The following ADGRL3 variants were observed in gnomAD, a reference collection of about 807,000 sequenced individuals.
ADGRL3 encodes the protein calcium-independent alpha-latrotoxin receptor 3.
ADGRL3 carries 62 observed loss-of-function variants against 153.5 expected under a neutral mutation model. The ratio of observed to expected loss-of-function variants is 0.40; its 90% CI spans 0.33 to 0.50. The LOEUF (loss-of-function observed/expected upper bound fraction) is 0.50. Ranked by LOEUF, ADGRL3 falls within the 20% of genes least tolerant of loss-of-function variation. ADGRL3 has a pLI of 0.47. For synonymous variants in ADGRL3, 710 were observed against 672.5 expected (o/e 1.06, Z -0.86); for missense variants, 1,641 against 1,859.4 (o/e 0.88, Z 2.16).
chr4:61,419,871 T>C (rs1170197307), intron 2 of ADGRL3, among the ~76,000 whole-genome samples: 1 of 152,010 alleles, frequency 6.6e-6, no homozygotes, highest in East Asian at 1.9e-4. Flanking sequence ...GTTGGCTCAC[T>C]GCAGCCTCCA....
At chr4:61,208,958 A>G (rs1200053871) in intron 1 of ADGRL3, among the ~76,000 whole-genome samples, 3 of 152,148 alleles carry the variant, frequency 2.0e-5, no homozygotes, top group East Asian at 1.9e-4. Context: ...GAAGCTATAC[A>G]TTCCGATTAC....
At chr4:61,442,754 C>G (rs969928682) in intron 2 of ADGRL3, among the ~76,000 whole-genome samples, 6 of 152,048 alleles carry the variant, frequency 3.9e-5, no homozygotes, top group African/African-American at 1.4e-4. Flanking sequence ...CTGATAAATA[C>G]TTAGGGTAAT....
chr4:61,319,043 C>T (rs1304079934), intron 1 of ADGRL3, among the ~76,000 whole-genome samples: 1 of 152,112 alleles, frequency 6.6e-6, no homozygotes, highest in African/African-American at 2.4e-5. Flanking sequence ...TACTAATTGG[C>T]TTGTTCAAGA....
At chr4:61,370,559 C>A (rs2096500440) in intron 1 of ADGRL3, among the ~76,000 whole-genome samples, 1 of 152,080 alleles carries the variant, frequency 6.6e-6, no homozygotes, top group Non-Finnish European at 1.5e-5. Context: ...GTTCTTAATC[C>A]TGAGTTCTAG....
At chr4:61,376,125 T>A (rs1043441072) in intron 1 of ADGRL3, among the ~76,000 whole-genome samples, 3 of 152,192 alleles carry the variant, frequency 2.0e-5, no homozygotes, top group African/African-American at 7.2e-5. Flanking sequence ...TTGAACTGTT[T>A]TGTCATAGAA....
chr4:61,275,718 T>C (rs1471471615), intron 1 of ADGRL3, among the ~76,000 whole-genome samples: 1 of 152,190 alleles, frequency 6.6e-6, no homozygotes, highest in East Asian at 1.9e-4. Context: ...ATAACCTGCC[T>C]GGTCCCTGTA....
At chr4:61,219,445 A>G (rs960614911) in intron 1 of ADGRL3, among the ~76,000 whole-genome samples, 3 of 152,198 alleles carry the variant, frequency 2.0e-5, no homozygotes, top group Non-Finnish European at 2.9e-5. Flanking sequence ...TTGAAACTGC[A>G]TTTAATTTAA....
intron 4 of ADGRL3, among the ~76,000 whole-genome samples, chr4:61,568,226 A>G (rs1013685313): frequency 2.0e-5 from 3 of 152,122 alleles, no homozygotes; most frequent in South Asian, 2.1e-4. Flanking sequence ...TCAAATATCT[A>G]TAAACATTTT....
chr4:61,246,355 C>G (rs1054785141), intron 1 of ADGRL3, among the ~76,000 whole-genome samples: 11 of 151,984 alleles, frequency 7.2e-5, no homozygotes, highest in African/African-American at 2.4e-4. Context: ...TAGTTATGAG[C>G]TAGATGGTGC....
chr4:61,643,500 G>C (rs9684375), intron 5 of ADGRL3, among the ~76,000 whole-genome samples: 54,855 of 148,176 alleles, frequency 0.37, 10,721 homozygotes, highest in East Asian at 0.52. Flanking sequence ...TAGCATGAAG[G>C]GTTGTTGAAT....
At chr4:61,373,593 A>G (rs2096567461) in intron 1 of ADGRL3, among the ~76,000 whole-genome samples, 1 of 152,210 alleles carries the variant, frequency 6.6e-6, no homozygotes. Context: ...TAAAATCAGC[A>G]TCAATTAAAT....
chr4:61,390,245 A>G (rs1024956684), intron 2 of ADGRL3, among the ~76,000 whole-genome samples: 3 of 152,306 alleles, frequency 2.0e-5, no homozygotes, highest in East Asian at 3.9e-4. Context: ...TTTTATGGCT[A>G]AACCCTGAGC....
chr4:61,909,779 G>A (rs746675593), intron 12 of ADGRL3, 34 bp downstream of exon 12: 70 of 1,346,294 alleles, frequency 5.2e-5, no homozygotes, highest in South Asian at 1.4e-4. Context: ...GTGTGTGTGT[G>A]TGTGTGTGTG....
intron 8 of ADGRL3, among the ~76,000 whole-genome samples, chr4:61,757,015 G>A (rs1279120367): frequency 3.3e-5 from 5 of 152,100 alleles, no homozygotes; most frequent in South Asian, 2.1e-4. Context: ...TGCTGGATTC[G>A]GTTTGCCAGA....
chr4:61,330,629 G>A lies in ADGRL3; in HGVS notation c.-239-52495G>A, dbSNP rs564285755. Among the ~76,000 whole-genome samples, 18 of 152,196 alleles carry A rather than the reference G, an allele frequency of 1.2e-4. No individual in the cohort carries two copies. The South Asian group carries it at 2.1e-3, about 18-fold the overall frequency. The stretch of plus-strand genomic sequence containing the variant: ...CAAGAATGAAGCCGCAGACCTTCAC[G>A]GTGAGTGTTACAGCTCTTAAAGTTG... On this transcript the variant is annotated intron_variant, in intron 1 of 26. Transcript: ENST00000683033.
At chr4:61,520,675 T>TGG (rs2098524861) in intron 4 of ADGRL3, among the ~76,000 whole-genome samples, 1 of 147,130 alleles carries the variant, frequency 6.8e-6, no homozygotes, top group Non-Finnish European at 1.5e-5. Flanking sequence ...TGTGTGTGTG[T>TGG]GTGTGTGTGT....
Position 62,070,812 on chromosome 4 carries a change from C to A in ADGRL3, c.4536C>A (p.Arg1512=). 6.4e-7 allele frequency: 1 copy of A among 1,551,638 alleles called. No homozygotes were observed. The highest frequency in any genetic ancestry group is 8.7e-7 in the Non-Finnish European group (1 of 1,146,974). ...HQLHTYYQLG[R]GSSDGFIVPP... ...TGCATACTTACTACCAGCTAGGTCG[C>A]GGCAGCAGTGATGGATTTATAGTTC... The change falls in exon 27 of 27, where the codon CGC becomes CGA. Residue 1512 remains arginine (R), a synonymous_variant. Coordinates refer to ENST00000683033, the MANE Select transcript of ADGRL3 (RefSeq NM_001387552.1).
chr4:61,772,849 G>T (rs2097102469), intron 8 of ADGRL3, among the ~76,000 whole-genome samples: 1 of 151,974 alleles, frequency 6.6e-6, no homozygotes, highest in Non-Finnish European at 1.5e-5. Flanking sequence ...TGTATTATGG[G>T]GTAGTGTGTT....
chr4:61,316,393 C>T (rs939262292), intron 1 of ADGRL3, among the ~76,000 whole-genome samples: 16 of 152,068 alleles, frequency 1.1e-4, no homozygotes, highest in Non-Finnish European at 2.1e-4. Context: ...CATCCTAAGA[C>T]GTCAGAGCAA....
Sources: allele counts gnomAD v4.1 joint callset (sites outside exome capture counted in the v4.1 genomes callset), GRCh38; gene constraint gnomAD v4.1.1; transcripts MANE v1.5; gene names NCBI Gene and HGNC (gene_info 2026-07-23, HGNC 2026-07-21).